VAC14: variants seen among roughly 807,000 people sequenced by gnomAD.
VAC14 encodes the protein protein VAC14 homolog.
Under a neutral mutation model 85.3 loss-of-function variants are expected in VAC14, and 47 were observed. That is an observed-to-expected ratio of 0.55 (90% confidence interval 0.44 to 0.70). The LOEUF is 0.70. Ranked by LOEUF, VAC14 falls within the 30% of genes least tolerant of loss-of-function variation. The pLI, the probability that VAC14 is intolerant of heterozygous loss-of-function variation, is 0.00. For missense variants in VAC14, 861 were observed against 1,004.3 expected, an observed-to-expected ratio of 0.86 and a Z score of 1.93; for synonymous variants, 447 against 430.5, an observed-to-expected ratio of 1.04 and a Z score of -0.47.
At chr16:70,698,047 A>G (rs565913690) in intron 15 of VAC14, among the ~76,000 whole-genome samples, 2 of 152,248 alleles carry the variant, frequency 1.3e-5, no homozygotes, top group African/African-American at 2.4e-5. Context: ...TAGGGGAGTG[A>G]GAGTGAGTGA....
intron 9 of VAC14, among the ~76,000 whole-genome samples, chr16:70,776,660 G>C (rs2033533701): frequency 6.6e-6 from 1 of 152,066 alleles, no homozygotes; most frequent in African/African-American, 2.4e-5. Flanking sequence ...AAATTCCTGG[G>C]CTCAAGGGAT....
intron 13 of VAC14, among the ~76,000 whole-genome samples, chr16:70,741,374 C>G (rs1472524223): frequency 6.6e-6 from 1 of 152,262 alleles, no homozygotes; most frequent in Non-Finnish European, 1.5e-5. Context: ...CACGTGCCCT[C>G]CCGGGGCAGC....
chr16:70,788,533 G>A (rs1456559882), intron 1 of VAC14, among the ~76,000 whole-genome samples: 2 of 152,178 alleles, frequency 1.3e-5, no homozygotes, highest in Non-Finnish European at 2.9e-5. Context: ...TCTCAAAACA[G>A]CGTACTAAGG....
At chr16:70,799,309 G>T (rs973581243) in intron 1 of VAC14, among the ~76,000 whole-genome samples, 3 of 152,088 alleles carry the variant, frequency 2.0e-5, no homozygotes, top group Non-Finnish European at 1.5e-5. Flanking sequence ...GCTAGCATTC[G>T]TGAGAGTCAG....
At chr16:70,715,180 A>T (rs1333877769) in intron 14 of VAC14, 2 of 152,244 alleles carry the variant, frequency 1.3e-5, no homozygotes, top group Non-Finnish European at 2.9e-5. Flanking sequence ...TGGGCTTCTG[A>T]GCAGACTGCT....
At chr16:70,707,855 A>T in intron 14 of VAC14, among the ~76,000 whole-genome samples, 1 of 145,200 alleles carries the variant, frequency 6.9e-6, no homozygotes, top group African/African-American at 2.6e-5. Flanking sequence ...CAGTGGTGTG[A>T]TCTTGGCTCG....
intron 14 of VAC14, among the ~76,000 whole-genome samples, chr16:70,713,120 T>G (rs750740944): frequency 9.2e-5 from 14 of 152,190 alleles, no homozygotes; most frequent in Admixed American, 4.6e-4. Flanking sequence ...TCTGCCTGCT[T>G]GCAAGGAGTG....
chr16:70,704,355 C>G (rs1287333852), intron 14 of VAC14, among the ~76,000 whole-genome samples: 1 of 152,134 alleles, frequency 6.6e-6, no homozygotes, highest in African/African-American at 2.4e-5. Context: ...GCACTGTCTT[C>G]TTTGTCCTTT....
At chr16:70,756,100 A>G (rs2031826635) in intron 12 of VAC14, 1 of 456,668 alleles carries the variant, frequency 2.2e-6, no homozygotes, top group Non-Finnish European at 4.4e-6. Flanking sequence ...AAGGGAGTAC[A>G]TCTGTGGACC....
intron 9 of VAC14, among the ~76,000 whole-genome samples, chr16:70,775,768 C>A (rs752122049): frequency 6.6e-6 from 1 of 152,154 alleles, no homozygotes; most frequent in Admixed American, 6.5e-5. Context: ...GAAATACCCA[C>A]ATTTATAGAT....
At position 70,744,960 on chromosome 16, in the gene VAC14, C is replaced by A. The variant is rs377059982; in HGVS notation, c.1372-381G>T. 3 of 184,470 alleles carry A rather than the reference C, an allele frequency of 1.6e-5. No homozygotes were observed. In the East Asian group the frequency reaches 4.6e-4, roughly 28 times the overall value. The allele number at this position is 184,470 out of a possible 1,614,324, so 11.4% of individuals were successfully genotyped here. On this transcript the variant is annotated intron_variant, in intron 12 of 18. Transcript: ENST00000261776. Reference sequence around the variant, plus strand: ...TGTGCACTTCAAGGCCCGCAGGCTGCGCAAGGCTCCCAAAGTGCCCTCCAG... The same window carrying A: ...TGTGCACTTCAAGGCCCGCAGGCTGAGCAAGGCTCCCAAAGTGCCCTCCAG...
intron 14 of VAC14, among the ~76,000 whole-genome samples, chr16:70,707,298 T>C (rs970785915): frequency 1.3e-5 from 2 of 152,262 alleles, no homozygotes; most frequent in Non-Finnish European, 2.9e-5. Context: ...CATCGTTGTT[T>C]AATGCAGTCG....
chr16:70,749,136 G>A (rs1236171368), intron 12 of VAC14, among the ~76,000 whole-genome samples: 2 of 152,174 alleles, frequency 1.3e-5, no homozygotes, highest in Non-Finnish European at 2.9e-5. Context: ...CACAAGAAAG[G>A]CTGGCTCACC....
Position 70,695,545 on chromosome 16 carries a change from T to C in VAC14, c.2034A>G (p.Thr678=), listed in dbSNP as rs61756217. The C allele has an allele frequency of 0.01, 16,668 of 1,613,856 alleles. 105 individuals are homozygous for C. The highest frequency in any genetic ancestry group is 0.02 in the African/African-American group (1,487 of 75,026). The change falls in exon 17 of 19, where the codon ACA becomes ACG. Residue 678 remains threonine, a splice_region_variant and synonymous_variant. Coordinates refer to ENST00000261776, the MANE Select transcript of VAC14 (RefSeq NM_018052.5). ...LVQLIECPIF[T]YLRLQLLDVK... Reference sequence around the variant, plus strand: ...GGTGTGGTGGGAGGTGGTTCTTACATGTGAAGATGGGGCACTCAATCAGCT... The same window carrying C: ...GGTGTGGTGGGAGGTGGTTCTTACACGTGAAGATGGGGCACTCAATCAGCT...
At chr16:70,745,505 G>GTGTGTGTT (rs1555520593) in intron 12 of VAC14, among the ~76,000 whole-genome samples, 5 of 148,514 alleles carry the variant, frequency 3.4e-5, no homozygotes, top group Non-Finnish European at 7.4e-5. Context: ...GTGTGTGTGT[G>GTGTGTGTT]TGTGTGTGTG....
At chr16:70,757,074 A>AG (rs1471035238) in intron 12 of VAC14, among the ~76,000 whole-genome samples, 4 of 152,208 alleles carry the variant, frequency 2.6e-5, no homozygotes, top group African/African-American at 7.2e-5. Context: ...AAGCTACGGG[A>AG]GGGGGAAGAG....
At chr16:70,736,648 C>A (rs887862461) in intron 13 of VAC14, among the ~76,000 whole-genome samples, 2 of 152,174 alleles carry the variant, frequency 1.3e-5, no homozygotes, top group Admixed American at 6.5e-5. Context: ...GCCCCTTGGA[C>A]CCTGGAGCTG....
intron 14 of VAC14, among the ~76,000 whole-genome samples, chr16:70,725,707 C>T (rs2054407863): frequency 6.6e-6 from 1 of 152,232 alleles, no homozygotes; most frequent in African/African-American, 2.4e-5. Flanking sequence ...AGCCTTGCTG[C>T]TGGGCTTCTC....
At chr16:70,702,568 A>T (rs940768767) in intron 14 of VAC14, among the ~76,000 whole-genome samples, 2 of 152,106 alleles carry the variant, frequency 1.3e-5, no homozygotes, top group Non-Finnish European at 1.5e-5. Flanking sequence ...TACTGCTGGG[A>T]AGGAGGTGGG....
Sources: gnomAD v4.1 joint callset for allele counts (sites outside exome capture counted in the v4.1 genomes callset) on GRCh38, gnomAD v4.1.1 for gene constraint, MANE v1.5 for transcripts, NCBI Gene and HGNC (gene_info 2026-07-23, HGNC 2026-07-21) for gene names.